Variants in PTPRO observed in about 807,000 individuals in gnomAD.
PTPRO encodes protein tyrosine phosphatase receptor type O.
A neutral mutation model predicts 145.2 loss-of-function variants in PTPRO; 62 were observed. That is an observed-to-expected ratio of 0.43 (90% confidence interval 0.35 to 0.53). The LOEUF (loss-of-function observed/expected upper bound fraction) is 0.53, where lower values mean the gene tolerates loss of function less well. Ranked by LOEUF, PTPRO falls within the 20% of genes least tolerant of loss-of-function variation. The pLI is 0.01. For missense variants in PTPRO, 1,345 were observed against 1,482.7 expected (o/e 0.91, Z 1.53); for synonymous variants, 565 against 514.7 (o/e 1.10, Z -1.32).
At chr12:15,471,504 A>G (rs1327848940) in intron 1 of PTPRO, among the ~76,000 whole-genome samples, 1 of 152,238 alleles carries the variant, frequency 6.6e-6, no homozygotes, top group Non-Finnish European at 1.5e-5. Flanking sequence ...CATTGTAAAT[A>G]TTCTAATTCA....
At chr12:15,510,258 A>G (rs1319904017) in intron 7 of PTPRO, among the ~76,000 whole-genome samples, 1 of 152,162 alleles carries the variant, frequency 6.6e-6, no homozygotes, top group Admixed American at 6.6e-5. Context: ...CTTGAGAATG[A>G]GGTGCCCCTT....
intron 12 of PTPRO, among the ~76,000 whole-genome samples, chr12:15,527,654 T>C (rs1260084686): frequency 6.6e-6 from 1 of 152,138 alleles, no homozygotes; most frequent in Non-Finnish European, 1.5e-5. Flanking sequence ...AAGACCTTTC[T>C]TTTTCAGGAC....
intron 1 of PTPRO, among the ~76,000 whole-genome samples, chr12:15,461,039 C>G (rs182610603): frequency 1.3e-3 from 191 of 152,262 alleles, no homozygotes; most frequent in African/African-American, 4.4e-3. Context: ...GGAGGTCAGA[C>G]ATGCCTCACT....
chr12:15,510,879 C>T (rs886857417), intron 7 of PTPRO, among the ~76,000 whole-genome samples: 2 of 151,478 alleles, frequency 1.3e-5, no homozygotes, highest in African/African-American at 4.8e-5. Flanking sequence ...TTTAAGAGTC[C>T]ATCATATACA....
intron 3 of PTPRO, among the ~76,000 whole-genome samples, chr12:15,498,439 T>C (rs937500914): frequency 3.3e-5 from 5 of 152,104 alleles, no homozygotes; most frequent in African/African-American, 1.2e-4. Flanking sequence ...GCGCCTGTAG[T>C]CCCAGATACT....
At chr12:15,529,764 A>G (rs1942921701) in intron 12 of PTPRO, among the ~76,000 whole-genome samples, 1 of 152,218 alleles carries the variant, frequency 6.6e-6, no homozygotes, top group African/African-American at 2.4e-5. Context: ...AAAAGCAACA[A>G]ATTAATACAT....
Position 15,343,787 on chromosome 12 carries a change from G to A in PTPRO, c.75+20986G>A, listed in dbSNP as rs189091425. ...GCCATCTCCGCTTACTGGAAGCTCC[G>A]CCTCCCGGGTTCGCGCCATTCTCCT... is the stretch of plus-strand genomic sequence containing the variant. On this transcript the variant is annotated intron_variant, in intron 1 of 26. Coordinates refer to ENST00000281171, the MANE Select transcript of PTPRO (RefSeq NM_030667.3). 3.7e-3 allele frequency among the ~76,000 whole-genome samples: 566 copies of A among 152,218 alleles called. 7 individuals carry two copies. Among genetic ancestry groups the A allele is most frequent in the African/African-American group, 0.012 (516 of 41,548 alleles).
At position 15,526,134 on chromosome 12, in the gene PTPRO, T is replaced by G. The variant is rs373829369; in HGVS notation, c.2044-8T>G. 2.5e-6 allele frequency: 4 copies of G among 1,613,970 alleles called. No individual in the cohort carries two copies. Among genetic ancestry groups the G allele is most frequent in the Non-Finnish European group, 3.4e-6 (4 of 1,179,900 alleles). ...AAGTTTAAACCCTTGATTTTGATGA[T>G]CTTGCAGGTAACACGCAATGTCATG... is the stretch of plus-strand genomic sequence containing the variant. On this transcript the variant is annotated splice_region_variant and splice_polypyrimidine_tract_variant and intron_variant, in intron 11 of 26. Transcript: ENST00000281171.
chr12:15,524,854 C>T lies in PTPRO; in HGVS notation c.1932C>T (p.Asn644=). 1 of 1,613,572 alleles carries T rather than the reference C, an allele frequency of 6.2e-7. No individual in the cohort carries two copies. The change falls in exon 11 of 27, where the codon AAC becomes AAT. Residue 644 remains asparagine (N), a synonymous_variant. Coordinates refer to ENST00000281171, the MANE Select transcript of PTPRO (RefSeq NM_030667.3). ...AAATCACTTCTGTGGAATATTTCAA[C>T]AGTCTGTTATATATCAGTTGGACAT... The part of the protein sequence containing the change: ...APEITSVEYF[N]SLLYISWTYG...
At position 15,404,779 on chromosome 12, in the gene PTPRO, A is replaced by G. The variant is rs182600107; in HGVS notation, c.76-79195A>G. Among the ~76,000 whole-genome samples the G allele has an allele frequency of 2.0e-5, 3 of 152,372 alleles. No individual in the cohort carries two copies. The East Asian group carries it at 5.8e-4, about 29-fold the overall frequency. Reference sequence around the variant, plus strand: ...CAACTGACTTCCATACAGTTGGAGAAGCACCTTATCTCAACATTTGGCAAC... The same window carrying G: ...CAACTGACTTCCATACAGTTGGAGAGGCACCTTATCTCAACATTTGGCAAC... On this transcript the variant is annotated intron_variant, in intron 1 of 26. Coordinates refer to ENST00000281171, the MANE Select transcript of PTPRO (RefSeq NM_030667.3).
At chr12:15,497,822 A>G (rs537053393) in intron 3 of PTPRO, among the ~76,000 whole-genome samples, 10 of 152,368 alleles carry the variant, frequency 6.6e-5, no homozygotes, top group African/African-American at 2.4e-4. Context: ...AACATCCTCA[A>G]ATGCAATGCT....
chr12:15,341,819 T>C (rs1328731239), intron 1 of PTPRO, among the ~76,000 whole-genome samples: 3 of 152,174 alleles, frequency 2.0e-5, no homozygotes, highest in Non-Finnish European at 2.9e-5. Context: ...GCATTGTCAA[T>C]AGAGCAAAGC....
intron 19 of PTPRO, among the ~76,000 whole-genome samples, chr12:15,573,690 G>A (rs888160): frequency 0.98 from 149,433 of 152,248 alleles, 73,400 homozygotes; most frequent in East Asian, 1. Context: ...GCAGTGGCCC[G>A]CTGGTCCAAT....
At chr12:15,515,986 TG>T (rs1591674033) in intron 8 of PTPRO, among the ~76,000 whole-genome samples, 11 of 114,712 alleles carry the variant, frequency 9.6e-5, no homozygotes, top group East Asian at 2.6e-4. Context: ...GTTTTTTTTT[TG>T]TTTTGTTTTT....
At chr12:15,372,775 A>G (rs1158043534) in intron 1 of PTPRO, among the ~76,000 whole-genome samples, 1 of 152,186 alleles carries the variant, frequency 6.6e-6, no homozygotes, top group Non-Finnish European at 1.5e-5. Context: ...AATAAGCTAA[A>G]TAATTATTAT....
In PTPRO at chr12:15,526,273, T is replaced by C. The variant is rs1243260140; in HGVS notation, c.2164+11T>C. On this transcript the variant is annotated intron_variant, in intron 12 of 26. Transcript: ENST00000281171. The stretch of plus-strand genomic sequence containing the variant: ...GCCTTGTCAAGCTAGGTAAGAAGAG[T>C]GCACAGAGATGGGTGTGAAATAATC... 6.2e-7 allele frequency: 1 copy of C among 1,613,404 alleles called. No homozygotes were observed. The highest frequency in any genetic ancestry group is 1.3e-5 in the African/African-American group (1 of 74,854).
intron 1 of PTPRO, among the ~76,000 whole-genome samples, chr12:15,405,195 A>G (rs1939613812): frequency 6.6e-6 from 1 of 152,204 alleles, no homozygotes. Context: ...ATTTCTATGC[A>G]TATGTTTAAG....
chr12:15,594,903 C>A, intron 25 of PTPRO, 34 bp from the exon 26 acceptor site: 2 of 1,459,870 alleles, frequency 1.4e-6, no homozygotes, highest in South Asian at 1.1e-5. Context: ...TTGCACATGT[C>A]TGCTCTGAAA....
At chr12:15,568,533 C>T (rs1943960950) in intron 18 of PTPRO, among the ~76,000 whole-genome samples, 1 of 152,102 alleles carries the variant, frequency 6.6e-6, no homozygotes, top group Admixed American at 6.6e-5. Context: ...ACTATAAAGA[C>T]CCTGCCAAAG....
Sources: gnomAD v4.1 joint callset for allele counts (sites outside exome capture counted in the v4.1 genomes callset) on GRCh38, gnomAD v4.1.1 for gene constraint, MANE v1.5 for transcripts, NCBI Gene and HGNC (gene_info 2026-07-23, HGNC 2026-07-21) for gene names.